GTF2IRD1: variants seen among roughly 807,000 people sequenced by gnomAD.
GTF2IRD1 encodes the protein general transcription factor II-I repeat domain-containing protein 1.
A neutral mutation model predicts 113.2 loss-of-function variants in GTF2IRD1; 26 were observed. The ratio of observed to expected loss-of-function variants is 0.23; its 90% confidence interval spans 0.17 to 0.32. The LOEUF (loss-of-function observed/expected upper bound fraction) is 0.32. Among genes scored for constraint, GTF2IRD1 ranks in the 10% least tolerant of loss-of-function variants. GTF2IRD1 has a pLI of 1.00. For synonymous variants in GTF2IRD1, 484 were observed against 529.1 expected (o/e 0.91, Z 1.17); for missense variants, 864 against 1,280.8 (o/e 0.67, Z 4.97).
Position 74,544,781 on chromosome 7 carries a change from C to A in GTF2IRD1, c.1645C>A (p.Pro549Thr). The change falls in exon 15 of 27, where the codon CCC becomes ACC. Residue 549 changes from proline to threonine, a missense_variant. Physicochemically the swap from Pro to Thr is conservative, Grantham distance 38. Coordinates refer to ENST00000424337, the MANE Select transcript of GTF2IRD1 (RefSeq NM_005685.4). ...TDKGLSEDAR[P>T]EERPVEDSHG... is the part of the protein sequence containing the mutation. Reference sequence around the variant, plus strand: ...CAAAGGTCTGAGTGAGGACGCGCGGCCCGAGGAGAGGCCCGTGGAGGGTGA... The same window carrying A: ...CAAAGGTCTGAGTGAGGACGCGCGGACCGAGGAGAGGCCCGTGGAGGGTGA... The A allele has an allele frequency of 6.2e-7, 1 of 1,613,942 alleles. No individual in the cohort carries two copies. The highest frequency in any genetic ancestry group is 1.3e-5 in the African/African-American group (1 of 75,040).
chr7:74,470,837 T>C (rs1376663895), intron 1 of GTF2IRD1, among the ~76,000 whole-genome samples: 1 of 152,026 alleles, frequency 6.6e-6, no homozygotes, highest in Non-Finnish European at 1.5e-5. Flanking sequence ...GGAGCCTTGC[T>C]CTCTTGCCCA....
intron 22 of GTF2IRD1, among the ~76,000 whole-genome samples, chr7:74,577,578 T>C (rs1435964233): frequency 6.6e-6 from 1 of 152,208 alleles, no homozygotes. Context: ...ACATGGTCTT[T>C]ATTCAAATTT....
At chr7:74,485,764 A>C (rs1297813010) in intron 1 of GTF2IRD1, among the ~76,000 whole-genome samples, 5 of 152,010 alleles carry the variant, frequency 3.3e-5, no homozygotes, top group African/African-American at 1.2e-4. Flanking sequence ...TCTACTAAAA[A>C]TTTTTTAAAA....
chr7:74,460,405 A>G (rs1793283914), intron 1 of GTF2IRD1, among the ~76,000 whole-genome samples: 1 of 130,982 alleles, frequency 7.6e-6, no homozygotes, highest in African/African-American at 2.9e-5. Flanking sequence ...GCACCTAGCT[A>G]ATTAAAAAAA....
At chr7:74,473,674 G>T (rs1794233382) in intron 1 of GTF2IRD1, among the ~76,000 whole-genome samples, 1 of 151,968 alleles carries the variant, frequency 6.6e-6, no homozygotes, top group South Asian at 2.1e-4. Context: ...ATGAGGGGAG[G>T]CAGACTGAAC....
At chr7:74,473,648 G>A (rs1051787453) in intron 1 of GTF2IRD1, among the ~76,000 whole-genome samples, 1 of 151,922 alleles carries the variant, frequency 6.6e-6, no homozygotes, top group Admixed American at 6.6e-5. Flanking sequence ...TCTTGGTTTA[G>A]TGCCCACTCC....
chr7:74,479,381 G>A (rs892532608), intron 1 of GTF2IRD1, among the ~76,000 whole-genome samples: 24 of 50,296 alleles, frequency 4.8e-4, no homozygotes, highest in South Asian at 1.4e-3. Flanking sequence ...CTCTGGCCCC[G>A]CTCAGGCCCG....
At chr7:74,513,554 C>G (rs1332289702) in intron 3 of GTF2IRD1, among the ~76,000 whole-genome samples, 1 of 152,202 alleles carries the variant, frequency 6.6e-6, no homozygotes, top group Admixed American at 6.5e-5. Flanking sequence ...ACCCGCCCAC[C>G]TCAGCCTCCC....
chr7:74,495,698 G>C (rs930219951), intron 1 of GTF2IRD1, among the ~76,000 whole-genome samples: 1 of 152,116 alleles, frequency 6.6e-6, no homozygotes, highest in Non-Finnish European at 1.5e-5. Context: ...AGGTGTTGAC[G>C]AGCCCACAAG....
chr7:74,517,992 C>T, intron 4 of GTF2IRD1, 147 bp from the exon 5 acceptor site: 1 of 486,608 alleles, frequency 2.1e-6, no homozygotes. Context: ...GGTTATTCTG[C>T]ACAAAGTCTG....
intron 4 of GTF2IRD1, among the ~76,000 whole-genome samples, 191 bp downstream of exon 4, chr7:74,515,787 G>A (rs1430632636): frequency 3.9e-5 from 6 of 152,070 alleles, no homozygotes; most frequent in Non-Finnish European, 5.9e-5. Context: ...TGCTCCAGCC[G>A]TTTTCCAAAC....
intron 15 of GTF2IRD1, 60 bp downstream of exon 15, chr7:74,544,862 G>A: frequency 7.4e-7 from 1 of 1,360,474 alleles, no homozygotes; most frequent in Non-Finnish European, 1.0e-6. Context: ...CTCTTCCCCT[G>A]CCGCCCACCT....
chr7:74,581,076 G>A (rs1416252873), intron 22 of GTF2IRD1, among the ~76,000 whole-genome samples: 3 of 152,064 alleles, frequency 2.0e-5, no homozygotes, highest in African/African-American at 7.2e-5. Flanking sequence ...CTGGAGTGCA[G>A]TGGCGCCATC....
intron 1 of GTF2IRD1, among the ~76,000 whole-genome samples, chr7:74,495,349 C>G (rs1554337601): frequency 6.6e-6 from 1 of 152,166 alleles, no homozygotes; most frequent in East Asian, 1.9e-4. Flanking sequence ...AGCACTTCGG[C>G]GTTCTGCTCC....
intron 1 of GTF2IRD1, among the ~76,000 whole-genome samples, chr7:74,464,863 C>T (rs558411029): frequency 6.6e-6 from 1 of 152,306 alleles, no homozygotes; most frequent in African/African-American, 2.4e-5. Context: ...CCTCCCACCC[C>T]TACCGGGTTC....
At chr7:74,562,190 C>T (rs1382028347) in intron 22 of GTF2IRD1, among the ~76,000 whole-genome samples, 1 of 152,216 alleles carries the variant, frequency 6.6e-6, no homozygotes, top group Non-Finnish European at 1.5e-5. Flanking sequence ...CCAGCACCGG[C>T]AGTTCCAGGG....
In GTF2IRD1 at chr7:74,512,627, C is replaced by T. The variant is rs1020355329; in HGVS notation, c.124-203C>T. Among the ~76,000 whole-genome samples, 1 of 152,206 alleles carries T rather than the reference C, an allele frequency of 6.6e-6. No individual in the cohort carries two copies. Among genetic ancestry groups the T allele is most frequent in the Non-Finnish European group, 1.5e-5 (1 of 68,036 alleles). On this transcript the variant is annotated intron_variant, in intron 2 of 26. Transcript: ENST00000424337. The surrounding 1 kb of genome is among the most constrained non-coding windows in gnomAD (Gnocchi z 4.4). ...CAGAGGACACTTGTCCTCCTCCACC[C>T]CCCATCGCCAATGCCTGCAGGGCCA...
In GTF2IRD1 at chr7:74,595,803, A is replaced by G. The variant is rs775092353; in HGVS notation, c.2629+752A>G. ...GGCAGGCTGGGCCTCAGGGAGGATCATGGAGTCCTCCTGGGTAGCAGAGGG... is the reference window on the plus strand; with the variant it reads ...GGCAGGCTGGGCCTCAGGGAGGATCGTGGAGTCCTCCTGGGTAGCAGAGGG... On this transcript the variant is annotated intron_variant, in intron 25 of 26. Coordinates refer to ENST00000424337, the MANE Select transcript of GTF2IRD1 (RefSeq NM_005685.4). Among the ~76,000 whole-genome samples the G allele has an allele frequency of 6.6e-5, 10 of 152,284 alleles. No individual in the cohort carries two copies. In the East Asian group the frequency reaches 1.7e-3, roughly 27 times the overall value.
At chr7:74,528,750 G>GATGGATGA (rs1467594387) in intron 8 of GTF2IRD1, among the ~76,000 whole-genome samples, 19 of 120,596 alleles carry the variant, frequency 1.6e-4, no homozygotes, top group African/African-American at 6.2e-4. Flanking sequence ...TGGATGGATG[G>GATGGATGA]ATGGATGAAT....
Sources: allele counts gnomAD v4.1 joint callset (sites outside exome capture counted in the v4.1 genomes callset), GRCh38; gene constraint gnomAD v4.1.1; non-coding constraint Gnocchi (gnomAD v3.1); transcripts MANE v1.5; gene names NCBI Gene and HGNC (gene_info 2026-07-23, HGNC 2026-07-21).